The following MLXIPL variants were observed in gnomAD, a reference collection of about 807,000 sequenced individuals.
MLXIPL encodes carbohydrate-responsive element-binding protein.
In MLXIPL, 49 loss-of-function variants were observed where a neutral mutation model predicts 81.5. The observed-to-expected ratio is 0.60, with a 90% CI of 0.48 to 0.76. The LOEUF (loss-of-function observed/expected upper bound fraction) is 0.76, where lower values mean the gene tolerates loss of function less well. Ranked by LOEUF, MLXIPL falls within the 30% of genes least tolerant of loss-of-function variation. The pLI, the probability that MLXIPL is intolerant of heterozygous loss-of-function variation, is 0.00. For missense variants in MLXIPL, 1,053 were observed against 1,167.0 expected (o/e 0.90, Z 1.42); for synonymous variants, 466 against 485.5 (o/e 0.96, Z 0.53).
chr7:73,602,130 G>GCCTTCCTGCCTTCCTTCCTT (rs1563487261), intron 7 of MLXIPL, among the ~76,000 whole-genome samples: 27 of 80,546 alleles, frequency 3.4e-4, no homozygotes, highest in African/African-American at 1.4e-3. Context: ...CTGCCTGCCT[G>GCCTTCCTGCCTTCCTTCCTT]CCTTCCTTCC....
At chr7:73,616,908 G>A (rs922452275) in intron 1 of MLXIPL, among the ~76,000 whole-genome samples, 4 of 151,318 alleles carry the variant, frequency 2.6e-5, no homozygotes, top group Non-Finnish European at 4.4e-5. Flanking sequence ...GGGCAGGTCC[G>A]AGGTCACTCA....
At chr7:73,632,481 G>C in the MLXIPL span, among the ~76,000 whole-genome samples, 1 of 152,162 alleles carries the variant, frequency 6.6e-6, no homozygotes, top group Non-Finnish European at 1.5e-5. Flanking sequence ...TCTACATCCT[G>C]ATTCGCCCTT....
chr7:73,640,648 A>G, the MLXIPL span, among the ~76,000 whole-genome samples: 2 of 151,642 alleles, frequency 1.3e-5, no homozygotes, highest in African/African-American at 4.8e-5. Context: ...ATGGTGGTGC[A>G]CACCTGTAAT....
At chr7:73,610,771 G>C (rs559497129) in intron 2 of MLXIPL, 1 of 151,454 alleles carries the variant, frequency 6.6e-6, no homozygotes, top group African/African-American at 2.4e-5. Flanking sequence ...CACTGTGCCC[G>C]GCCTCCCTGT....
In MLXIPL at chr7:73,599,717, C is replaced by T. The variant is rs200217916; in HGVS notation, c.902-22G>A. On this transcript the variant is annotated intron_variant, in intron 7 of 16. Coordinates refer to ENST00000313375, the MANE Select transcript of MLXIPL (RefSeq NM_032951.3). ...AAATCTGTAATTCAGACACACAGGG[C>T]AACAGCAGTTAGGGCCAGGGCTATG... 7.4e-5 allele frequency: 118 copies of T among 1,596,588 alleles called. 1 individual carries two copies. Among genetic ancestry groups the T allele is most frequent in the Admixed American group, 1.7e-5 (1 of 58,948 alleles).
chr7:73,614,174 G>A (rs1170111603), intron 2 of MLXIPL, among the ~76,000 whole-genome samples: 10 of 152,020 alleles, frequency 6.6e-5, no homozygotes, highest in Non-Finnish European at 1.3e-4. Flanking sequence ...CCAAGATCAC[G>A]CCACTGCACT....
intron 7 of MLXIPL, among the ~76,000 whole-genome samples, chr7:73,604,840 C>G (rs1375031017): frequency 4.6e-5 from 7 of 152,090 alleles, no homozygotes; most frequent in African/African-American, 1.7e-4. Flanking sequence ...TCTCGGCTCA[C>G]TGCAACCTCT....
upstream of MLXIPL, chr7:73,624,528 G>A: frequency 1.3e-6 from 2 of 1,505,080 alleles, no homozygotes; most frequent in Non-Finnish European, 1.8e-6. Context: ...TCCCTGCTCC[G>A]CGCAGCGCGG....
chr7:73,627,403 C>T (rs1035629036), upstream of MLXIPL, among the ~76,000 whole-genome samples: 1 of 152,132 alleles, frequency 6.6e-6, no homozygotes, highest in African/African-American at 2.4e-5. Context: ...CGTGTAACAC[C>T]ATGCCCGACT....
chr7:73,624,160 C>T, intron 1 of MLXIPL, 40 bp downstream of exon 1: 5 of 1,519,820 alleles, frequency 3.3e-6, no homozygotes, highest in Non-Finnish European at 4.4e-6. Context: ...CCCATCCCCA[C>T]CTGGAAGCCA....
At chr7:73,632,816 G>C in the MLXIPL span, among the ~76,000 whole-genome samples, 1 of 146,494 alleles carries the variant, frequency 6.8e-6, no homozygotes, top group African/African-American at 2.5e-5. Context: ...GTCTTGCTCT[G>C]TTGCCCAGGC....
the MLXIPL span, among the ~76,000 whole-genome samples, chr7:73,630,368 T>C: frequency 3.6e-5 from 5 of 140,342 alleles, no homozygotes; most frequent in South Asian, 2.4e-4. Flanking sequence ...TCTTGGGTCA[T>C]TGCAAGCTCT....
Position 73,609,072 on chromosome 7 carries a change from G to C in MLXIPL, c.401-1400C>G, listed in dbSNP as rs530739149. ...AATCCTCTTGTCTTGGCCTCCCAAG[G>C]TGTTGGGATTACAGGCGTGAGCCAC... On this transcript the variant is annotated intron_variant, in intron 2 of 16. Transcript: ENST00000313375. Among the ~76,000 whole-genome samples the C allele has an allele frequency of 3.2e-4, 48 of 152,030 alleles. No individual in the cohort carries two copies. The South Asian group carries it at 7.1e-3, about 22-fold the overall frequency.
rs1554600671 is a variant in MLXIPL, at chr7:73,616,061, A to G, written c.400+10T>C. The G allele has an allele frequency of 1.3e-5, 21 of 1,609,712 alleles. No homozygotes were observed. The highest frequency in any genetic ancestry group is 1.8e-5 in the Non-Finnish European group (21 of 1,176,170). On this transcript the variant is annotated intron_variant, in intron 2 of 16. Transcript: ENST00000313375. ...CCTCCCGGCTTGGGAGGCTGGTGGT[A>G]GCCACTCACACTGGATATACCAGGC...
At chr7:73,606,299 T>G in intron 5 of MLXIPL, 188 bp from the exon 6 acceptor site, 1 of 639,932 alleles carries the variant, frequency 1.6e-6, no homozygotes, top group Non-Finnish European at 2.8e-6. Context: ...CTCTAAGAAC[T>G]TCCCCCAGGA....
At chr7:73,598,536 A>T (rs914908630) in intron 8 of MLXIPL, among the ~76,000 whole-genome samples, 11 of 152,252 alleles carry the variant, frequency 7.2e-5, no homozygotes, top group African/African-American at 2.4e-4. Context: ...CCTCCACCGC[A>T]GTCTAAGATG....
rs1354591655 is a variant in MLXIPL, at chr7:73,602,082, G to GCCTT, written c.902-2388_902-2387insAAGG. 8.7e-3 allele frequency among the ~76,000 whole-genome samples: 1,087 copies of GCCTT among 124,400 alleles called. 15 individuals are homozygous for GCCTT. The highest frequency in any genetic ancestry group is 0.031 in the African/African-American group (1,043 of 33,864). The allele number at this position is 124,400 out of a possible 152,430, so 81.6% of individuals were successfully genotyped here. ...CTTCTTGCTGTCCACCTGCCTGCCT[G>GCCTT]CCTGCCTGCCTGCCTTCCTGCCTGC... On this transcript the variant is annotated intron_variant, in intron 7 of 16. Coordinates refer to ENST00000313375, the MANE Select transcript of MLXIPL (RefSeq NM_032951.3).
At chr7:73,624,540 G>C (rs942561905), upstream of MLXIPL, 1 of 1,490,534 alleles carries the variant, frequency 6.7e-7, no homozygotes, top group Non-Finnish European at 8.9e-7. Context: ...GCAGCGCGGG[G>C]AACAGCTCTT....
Position 73,596,950 on chromosome 7 carries a change from C to G in MLXIPL, c.1604-18G>C. 6.2e-7 allele frequency: 1 copy of G among 1,603,610 alleles called. No individual in the cohort carries two copies. Among genetic ancestry groups the G allele is most frequent in the Non-Finnish European group, 8.5e-7 (1 of 1,177,042 alleles). On this transcript the variant is annotated intron_variant, in intron 9 of 16. Transcript: ENST00000313375. The surrounding 1 kb of genome is among the most constrained non-coding windows in gnomAD (Gnocchi z 4.7). ...CGGCTTAGCTGTGCACGGGCAGAAC[C>G]GTGAGGCTACTGGGGCTGGCCCACC...
Sources: gnomAD v4.1 joint callset for allele counts (sites outside exome capture counted in the v4.1 genomes callset) on GRCh38, gnomAD v4.1.1 for gene constraint, Gnocchi (gnomAD v3.1) non-coding constraint, MANE v1.5 for transcripts, NCBI Gene and HGNC (gene_info 2026-07-23, HGNC 2026-07-21) for gene names.